EPN2: variants seen among roughly 807,000 people sequenced by gnomAD.
The protein encoded by EPN2 is epsin-2.
In EPN2, 34 loss-of-function variants were observed where a neutral mutation model predicts 61.7. The ratio of observed to expected loss-of-function variants is 0.55; its 90% confidence interval spans 0.42 to 0.73. The LOEUF (loss-of-function observed/expected upper bound fraction) is 0.73, where lower values mean the gene tolerates loss of function less well. Among genes scored for constraint, EPN2 ranks in the 30% least tolerant of loss-of-function variants. The pLI is 0.00. For missense variants in EPN2, 714 were observed against 839.2 expected, an observed-to-expected ratio of 0.85 and a Z score of 1.84; for synonymous variants, 349 against 353.6, an observed-to-expected ratio of 0.99 and a Z score of 0.15.
At chr17:19,308,381 A>C in intron 4 of EPN2, 1 of 985,414 alleles carries the variant, frequency 1.0e-6, no homozygotes. Flanking sequence ...GCACAATTAG[A>C]ACATTTTAAA....
intron 1 of EPN2, among the ~76,000 whole-genome samples, chr17:19,259,469 C>T (rs143618325): frequency 3.4e-4 from 52 of 152,072 alleles, no homozygotes; most frequent in African/African-American, 1.0e-3. Flanking sequence ...CCTGCCACCA[C>T]GCCTGGCTAA....
At chr17:19,276,002 G>GT (rs2045301771) in intron 1 of EPN2, among the ~76,000 whole-genome samples, 1 of 152,176 alleles carries the variant, frequency 6.6e-6, no homozygotes, top group Admixed American at 6.5e-5. Flanking sequence ...ACACTGTGTG[G>GT]TTAACAATTG....
At chr17:19,300,772 A>G (rs1379070619) in intron 4 of EPN2, among the ~76,000 whole-genome samples, 1 of 152,144 alleles carries the variant, frequency 6.6e-6, no homozygotes, top group Non-Finnish European at 1.5e-5. Flanking sequence ...GATTAATCAG[A>G]AGCCAGCATG....
chr17:19,239,603 A>G (rs2044860550), intron 1 of EPN2, among the ~76,000 whole-genome samples: 1 of 152,202 alleles, frequency 6.6e-6, no homozygotes, highest in African/African-American at 2.4e-5. Flanking sequence ...AGATTTTGGT[A>G]AAGTGTAAGT....
intron 1 of EPN2, among the ~76,000 whole-genome samples, chr17:19,252,113 T>A (rs944983208): frequency 6.6e-6 from 1 of 152,010 alleles, no homozygotes. Context: ...CATTTTGGAT[T>A]TTGGATTTTC....
chr17:19,285,860 C>A lies in EPN2; in HGVS notation c.766+70C>A, dbSNP rs2152218525. The A allele has an allele frequency of 6.9e-7, 1 of 1,451,348 alleles. No individual in the cohort carries two copies. The highest frequency in any genetic ancestry group is 1.4e-5 in the South Asian group (1 of 69,420). The allele number at this position is 1,451,348 out of a possible 1,614,324, so 89.9% of individuals were successfully genotyped here. On this transcript the variant is annotated intron_variant, in intron 4 of 10. Coordinates refer to ENST00000314728, the MANE Select transcript of EPN2 (RefSeq NM_014964.5). This position sits in a 1 kb window ranked among gnomAD's most constrained non-coding sequence, Gnocchi z 4.5. ...GCTTGCTGGGGGTGTGCTTGCCATG[C>A]CAGTACAGCCAACTCTCTCCCTGTC... is the stretch of plus-strand genomic sequence containing the variant.
rs1429413712 is a variant in EPN2, at chr17:19,285,061, T to C, written c.596-559T>C. ...AAGAAGTGAAATTGTTTTATTTCTC[T>C]CAAGGATCCTCTTACCAACCCCCAG... On this transcript the variant is annotated intron_variant, in intron 3 of 10. Coordinates refer to ENST00000314728, the MANE Select transcript of EPN2 (RefSeq NM_014964.5). This position sits in a 1 kb window ranked among gnomAD's most constrained non-coding sequence, Gnocchi z 4.5. Among the ~76,000 whole-genome samples, 1 of 152,236 alleles carries C rather than the reference T, an allele frequency of 6.6e-6. No homozygotes were observed. The highest frequency in any genetic ancestry group is 1.5e-5 in the Non-Finnish European group (1 of 68,040).
At chr17:19,257,805 A>C (rs1597975241) in intron 1 of EPN2, 1 of 152,240 alleles carries the variant, frequency 6.6e-6, no homozygotes, top group East Asian at 1.9e-4. Context: ...GGTGTGAGCC[A>C]CCACACCCAG....
chr17:19,321,663 G>C (rs1329209393), intron 7 of EPN2, among the ~76,000 whole-genome samples: 4 of 152,084 alleles, frequency 2.6e-5, no homozygotes, highest in Non-Finnish European at 4.4e-5. Flanking sequence ...ATATTGTGCA[G>C]GGGAGATGAT....
At chr17:19,269,756 G>A (rs931776279) in intron 1 of EPN2, among the ~76,000 whole-genome samples, 1 of 152,206 alleles carries the variant, frequency 6.6e-6, no homozygotes, top group Non-Finnish European at 1.5e-5. Flanking sequence ...TCTACACGTG[G>A]TTGACTTCCA....
chr17:19,248,873 G>T (rs1364798198), intron 1 of EPN2, among the ~76,000 whole-genome samples: 1 of 152,206 alleles, frequency 6.6e-6, no homozygotes, highest in Non-Finnish European at 1.5e-5. Context: ...TGGAACCTGG[G>T]AACCAGAGAA....
chr17:19,289,374 G>A (rs142253721), intron 4 of EPN2, among the ~76,000 whole-genome samples: 154 of 151,906 alleles, frequency 1.0e-3, no homozygotes, highest in African/African-American at 3.5e-3. Flanking sequence ...GTGAGCCACC[G>A]CACCTGGACG....
intron 4 of EPN2, among the ~76,000 whole-genome samples, chr17:19,287,927 G>A (rs1298098743): frequency 6.6e-6 from 1 of 152,120 alleles, no homozygotes; most frequent in Non-Finnish European, 1.5e-5. Flanking sequence ...TCTGACCTTG[G>A]AAGTCTCTTG....
At chr17:19,251,934 C>T (rs1053737293) in intron 1 of EPN2, among the ~76,000 whole-genome samples, 2 of 152,022 alleles carry the variant, frequency 1.3e-5, no homozygotes, top group Admixed American at 1.3e-4. Context: ...TTGTGTATAC[C>T]TTACACCCAT....
chr17:19,328,681 T>C (rs1907011077), intron 7 of EPN2, 30 bp from the exon 8 acceptor site: 3 of 1,573,986 alleles, frequency 1.9e-6, no homozygotes, highest in Non-Finnish European at 2.6e-6. Flanking sequence ...TCTGAAGGCA[T>C]TTCTGAGCCC....
intron 4 of EPN2, among the ~76,000 whole-genome samples, chr17:19,287,847 C>G (rs1191481712): frequency 6.6e-6 from 1 of 152,206 alleles, no homozygotes; most frequent in African/African-American, 2.4e-5. Flanking sequence ...AGCTTTCTTT[C>G]ATGTGCCATA....
intron 4 of EPN2, chr17:19,307,889 A>C (rs965163334): frequency 1.0e-6 from 1 of 985,012 alleles, no homozygotes; most frequent in Non-Finnish European, 1.2e-6. Context: ...TGGCCCAGCT[A>C]TCTGAAAGCC....
chr17:19,313,185 A>C lies in EPN2; in HGVS notation c.1053A>C (p.Ala351=). The C allele has an allele frequency of 6.2e-7, 1 of 1,613,380 alleles. No homozygotes were observed. The highest frequency in any genetic ancestry group is 8.5e-7 in the Non-Finnish European group (1 of 1,179,700). Residue 351 remains alanine, a synonymous_variant, in exon 7 of 11, where the codon GCA becomes GCC. Transcript: ENST00000314728. ...LPSSGPAAQK[A]EPWGPSASTN... ...GCTCGGGCCCCGCGGCCCAGAAAGC[A>C]GAGCCCTGGGGCCCGTCAGCCTCCA...
chr17:19,243,167 C>T (rs1209619582), intron 1 of EPN2, among the ~76,000 whole-genome samples: 1 of 151,152 alleles, frequency 6.6e-6, no homozygotes, highest in Non-Finnish European at 1.5e-5. Context: ...GAACACGTGG[C>T]TGGGGCTGCA....
Sources: gnomAD v4.1 joint callset for allele counts (sites outside exome capture counted in the v4.1 genomes callset) on GRCh38, gnomAD v4.1.1 for gene constraint, Gnocchi (gnomAD v3.1) non-coding constraint, MANE v1.5 for transcripts, NCBI Gene and HGNC (gene_info 2026-07-23, HGNC 2026-07-21) for gene names.